Variants in RCBTB2 observed in about 807,000 individuals in gnomAD.
The protein encoded by RCBTB2 is RCC1 and BTB domain containing protein 2.
RCBTB2 carries 55 observed loss-of-function variants against 65.4 expected under a neutral mutation model. That is an observed-to-expected ratio of 0.84 (90% CI 0.68 to 1.05). The LOEUF is 1.05. RCBTB2 is among the 50% of genes least tolerant of loss of function. RCBTB2 has a pLI of 0.00. For missense variants in RCBTB2, 599 were observed against 680.1 expected (o/e 0.88, Z 1.33); for synonymous variants, 220 against 255.2 (o/e 0.86, Z 1.31).
chr13:48,521,524 GA>G (rs766230945), intron 4 of RCBTB2, among the ~76,000 whole-genome samples: 5 of 152,182 alleles, frequency 3.3e-5, no homozygotes, highest in African/African-American at 4.8e-5. Flanking sequence ...GATGAATTGA[GA>G]ACATATCATC....
chr13:48,508,650 C>T (rs58227630), intron 10 of RCBTB2, among the ~76,000 whole-genome samples: 3 of 152,282 alleles, frequency 2.0e-5, no homozygotes, highest in Admixed American at 6.5e-5. Flanking sequence ...GTGATCCGCC[C>T]GCCTTGGCCT....
chr13:48,510,854 T>G, intron 9 of RCBTB2, 83 bp from the exon 10 acceptor site: 1 of 1,420,030 alleles, frequency 7.0e-7, no homozygotes, highest in Non-Finnish European at 9.6e-7. Flanking sequence ...GAATCAAAAA[T>G]GAAAAAAAAA....
intron 14 of RCBTB2, among the ~76,000 whole-genome samples, chr13:48,493,315 A>ACACACACACACACACTCTCT (rs759504798): frequency 4.1e-4 from 31 of 75,078 alleles, no homozygotes; most frequent in African/African-American, 1.7e-3. Flanking sequence ...ACACACACAC[A>ACACACACACACACACTCTCT]CTCTCTCTCT....
At chr13:48,510,555 C>T (rs1274022145) in intron 10 of RCBTB2, 74 bp downstream of exon 10, 1 of 1,457,166 alleles carries the variant, frequency 6.9e-7, no homozygotes, top group African/African-American at 1.4e-5. Flanking sequence ...CCCCACCATT[C>T]TCTATATATC....
chr13:48,532,338 C>G (rs1166747222), intron 1 of RCBTB2: 1 of 152,372 alleles, frequency 6.6e-6, no homozygotes, highest in African/African-American at 2.4e-5. Context: ...CTTCGCCTAA[C>G]AAAGTCAAAC....
intron 6 of RCBTB2, among the ~76,000 whole-genome samples, chr13:48,514,830 T>C (rs1291791978): frequency 6.6e-6 from 1 of 151,988 alleles, no homozygotes; most frequent in Non-Finnish European, 1.5e-5. Context: ...TAATGCCAAC[T>C]ACAGCCATCA....
At chr13:48,523,610 C>G (rs1951540794) in intron 2 of RCBTB2, among the ~76,000 whole-genome samples, 1 of 151,946 alleles carries the variant, frequency 6.6e-6, no homozygotes, top group Non-Finnish European at 1.5e-5. Context: ...ATATTTGCCC[C>G]AAGTTTACTG....
intron 1 of RCBTB2, among the ~76,000 whole-genome samples, chr13:48,530,711 C>A (rs1952065737): frequency 6.6e-6 from 1 of 152,250 alleles, no homozygotes; most frequent in African/African-American, 2.4e-5. Flanking sequence ...TTTTTCTCAG[C>A]ACAATTTACA....
chr13:48,528,029 T>C (rs1951900477), intron 1 of RCBTB2, among the ~76,000 whole-genome samples: 1 of 152,186 alleles, frequency 6.6e-6, no homozygotes, highest in Admixed American at 6.5e-5. Context: ...ACCTAAAAAA[T>C]GAGTTAAGCT....
At chr13:48,526,859 T>A (rs1438578016) in intron 1 of RCBTB2, among the ~76,000 whole-genome samples, 1 of 152,090 alleles carries the variant, frequency 6.6e-6, no homozygotes, top group African/African-American at 2.4e-5. Flanking sequence ...GAGGTTACAG[T>A]GATCCAAGAT....
rs1950814996 is a variant in RCBTB2 at position 48,511,848 on chromosome 13, C to T, written c.705G>A (p.Gly235=). The change falls in exon 9 of 15, where the codon GGG becomes GGA. Residue 235 remains glycine (G), a synonymous_variant. Coordinates refer to ENST00000344532, the MANE Select transcript of RCBTB2 (RefSeq NM_001268.4). Reference sequence around the variant, plus strand: ...TGCCACTGTTGCCGAGTCCAAGCTGCCCGTTTCCGTTGTAACCCCAGACAT... The same window carrying T: ...TGCCACTGTTGCCGAGTCCAAGCTGTCCGTTTCCGTTGTAACCCCAGACAT... ...EVYVWGYNGN[G]QLGLGNSGNQ... The T allele has an allele frequency of 6.2e-7, 1 of 1,614,064 alleles. No homozygotes were observed. The highest frequency in any genetic ancestry group is 1.3e-5 in the African/African-American group (1 of 74,912).
upstream of RCBTB2, among the ~76,000 whole-genome samples, chr13:48,534,784 G>C (rs1324893998): frequency 6.6e-6 from 1 of 152,146 alleles, no homozygotes; most frequent in African/African-American, 2.4e-5. Flanking sequence ...TGGATAATTT[G>C]GTCTACTAAA....
intron 4 of RCBTB2, among the ~76,000 whole-genome samples, chr13:48,516,457 G>T (rs1283991067): frequency 2.0e-5 from 3 of 152,214 alleles, no homozygotes; most frequent in African/African-American, 7.2e-5. Context: ...AGGGCTGTGA[G>T]GGAAGGATCT....
At chr13:48,516,099 AG>A (rs1951073016) in intron 4 of RCBTB2, among the ~76,000 whole-genome samples, 1 of 52,894 alleles carries the variant, frequency 1.9e-5, no homozygotes, top group South Asian at 4.9e-4. Context: ...AGAGAGACAG[AG>A]AGAGAGAGAG....
At chr13:48,517,236 C>A (rs968772571) in intron 4 of RCBTB2, among the ~76,000 whole-genome samples, 1 of 152,228 alleles carries the variant, frequency 6.6e-6, no homozygotes, top group African/African-American at 2.4e-5. Flanking sequence ...GAGACCGAGT[C>A]TTTCACCACC....
At chr13:48,505,252 C>T (rs1271501814) in intron 10 of RCBTB2, among the ~76,000 whole-genome samples, 1 of 152,176 alleles carries the variant, frequency 6.6e-6, no homozygotes, top group South Asian at 2.1e-4. Flanking sequence ...CAACCAGGCA[C>T]AATGTCTGGG....
chr13:48,493,289 C>CCACACACACACACACACACA (rs1237098435), intron 14 of RCBTB2, among the ~76,000 whole-genome samples: 1 of 102,354 alleles, frequency 9.8e-6, no homozygotes, highest in African/African-American at 5.4e-5. Context: ...CTCTCTCTCT[C>CCACACACACACACACACACA]CACACACACA....
chr13:48,504,363 T>A (rs1950386454), intron 10 of RCBTB2: 5 of 984,762 alleles, frequency 5.1e-6, no homozygotes, highest in Non-Finnish European at 6.0e-6. Context: ...TGTACAGACA[T>A]CTCACAAGTC....
rs140211811 is a variant in RCBTB2 at position 48,499,724 on chromosome 13, C to G, written c.1281G>C (p.Glu427Asp). 4 of 1,614,092 alleles carry G rather than the reference C, an allele frequency of 2.5e-6. No homozygotes were observed. In the African/African-American group the frequency reaches 5.3e-5, roughly 22 times the overall value. The change falls in exon 13 of 15, where the codon GAG (glutamate) becomes GAC (aspartate). Residue 427 changes from glutamate to aspartate, a missense_variant. Transcript: ENST00000344532. ...ATTCACTCATTTCTACAATATCATC[C>G]TCGTTATCTTCCAATGACGAACGAA... ...EHFRSSLEDN[E>D]DDIVEMSEFS...
Sources: allele counts gnomAD v4.1 joint callset (sites outside exome capture counted in the v4.1 genomes callset), GRCh38; gene constraint gnomAD v4.1.1; transcripts MANE v1.5; gene names NCBI Gene and HGNC (gene_info 2026-07-23, HGNC 2026-07-21).